The following ZNF254 variants were observed in gnomAD, a reference collection of about 807,000 sequenced individuals.
The protein encoded by ZNF254 is zinc finger protein 254.
A neutral mutation model predicts 12.4 loss-of-function variants in ZNF254; 10 were observed. The observed-to-expected ratio is 0.80, with a 90% confidence interval of 0.50 to 1.36. The LOEUF is 1.36. ZNF254 is among the 40% of genes most tolerant of loss of function. The pLI is 0.00. For synonymous variants in ZNF254, 305 were observed against 253.4 expected, an observed-to-expected ratio of 1.20 and a Z score of -1.93; for missense variants, 996 against 763.9, an observed-to-expected ratio of 1.30 and a Z score of -3.58.
At chr19:24,124,084 C>G (rs920901288) in intron 3 of ZNF254, among the ~76,000 whole-genome samples, 1 of 151,348 alleles carries the variant, frequency 6.6e-6, no homozygotes, top group African/African-American at 2.4e-5. Context: ...TTCTTTGTGT[C>G]TTTTTGATAT....
chr19:24,066,377 T>G (rs1180719059), intron 2 of ZNF254: 31 of 152,208 alleles, frequency 2.0e-4, no homozygotes, highest in Admixed American at 2.0e-3. Context: ...GCTTATGTGA[T>G]TCTTCTTTTA....
At chr19:24,095,349 GTT>G (rs1303919712) in intron 1 of ZNF254, among the ~76,000 whole-genome samples, 1 of 151,700 alleles carries the variant, frequency 6.6e-6, no homozygotes, top group Non-Finnish European at 1.5e-5. Context: ...ATTTTTTTTT[GTT>G]TGTTTTATCT....
At chr19:24,112,722 G>A (rs1973765658) in intron 3 of ZNF254, among the ~76,000 whole-genome samples, 1 of 151,978 alleles carries the variant, frequency 6.6e-6, no homozygotes, top group African/African-American at 2.4e-5. Flanking sequence ...ATTATGAATG[G>A]GAGTTCACTC....
At chr19:24,086,072 T>C (rs1488449314), upstream of ZNF254, among the ~76,000 whole-genome samples, 1 of 151,176 alleles carries the variant, frequency 6.6e-6, no homozygotes, top group Non-Finnish European at 1.5e-5. Flanking sequence ...CCAGGTTTGG[T>C]GATGCACGCC....
At chr19:24,110,879 C>A (rs1052676043) in intron 3 of ZNF254, among the ~76,000 whole-genome samples, 2 of 150,500 alleles carry the variant, frequency 1.3e-5, no homozygotes, top group Non-Finnish European at 3.0e-5. Flanking sequence ...GTTAAATATT[C>A]TTCTTTATTT....
chr19:24,091,915 T>C, intron 1 of ZNF254: 1 of 847,990 alleles, frequency 1.2e-6, no homozygotes, highest in Non-Finnish European at 1.4e-6. Context: ...AGTCTCGCTC[T>C]GTTGGCCAAG....
At chr19:24,100,915 C>T (rs1972987708) in intron 1 of ZNF254, among the ~76,000 whole-genome samples, 1 of 151,784 alleles carries the variant, frequency 6.6e-6, no homozygotes, top group Non-Finnish European at 1.5e-5. Context: ...GCAACCTCCG[C>T]CTCCCAAGTT....
intron 1 of ZNF254, among the ~76,000 whole-genome samples, chr19:24,041,519 C>T (rs1599569881): frequency 6.6e-6 from 1 of 152,366 alleles, no homozygotes; most frequent in Middle Eastern, 3.4e-3. Flanking sequence ...GCGCTACGCT[C>T]GATTTCTCGC....
chr19:24,047,385 C>T (rs1036654396), intron 2 of ZNF254, among the ~76,000 whole-genome samples: 2 of 151,090 alleles, frequency 1.3e-5, no homozygotes, highest in East Asian at 2.0e-4. Flanking sequence ...CCTTTCCTCC[C>T]GCCTGTTTTC....
At chr19:24,111,776 C>G (rs1318718063) in intron 3 of ZNF254, among the ~76,000 whole-genome samples, 1 of 150,882 alleles carries the variant, frequency 6.6e-6, no homozygotes, top group Non-Finnish European at 1.5e-5. Context: ...TGTTCATGTC[C>G]TTTGCCCACT....
At chr19:24,120,758 G>T (rs913865135) in intron 3 of ZNF254, among the ~76,000 whole-genome samples, 1 of 152,008 alleles carries the variant, frequency 6.6e-6, no homozygotes, top group Admixed American at 6.6e-5. Context: ...TGCCTCCCGG[G>T]TTCACGCCAT....
intron 2 of ZNF254, among the ~76,000 whole-genome samples, chr19:24,058,214 C>T (rs1970934766): frequency 6.6e-6 from 1 of 152,112 alleles, no homozygotes; most frequent in South Asian, 2.1e-4. Context: ...TGACACATGC[C>T]TCTGTGTAGA....
intron 1 of ZNF254, among the ~76,000 whole-genome samples, chr19:24,044,633 TTATG>T (rs1178968616): frequency 6.7e-6 from 1 of 150,134 alleles, no homozygotes; most frequent in East Asian, 1.9e-4. Flanking sequence ...ATGTGCATAT[TTATG>T]CTAGTTTTGT....
chr19:24,123,945 AAT>A (rs1414158718), intron 3 of ZNF254, among the ~76,000 whole-genome samples: 4 of 152,110 alleles, frequency 2.6e-5, no homozygotes, highest in East Asian at 1.9e-4. Context: ...ATTTATTGAA[AAT>A]ATGTCTCAAT....
At chr19:24,066,250 A>G (rs1971265811) in intron 2 of ZNF254, 1 of 152,108 alleles carries the variant, frequency 6.6e-6, no homozygotes, top group Admixed American at 6.5e-5. Context: ...CTGGGTCTTT[A>G]TTACAGGAAA....
chr19:24,105,979 C>T lies in ZNF254; in HGVS notation c.70C>T (p.Leu24=). The part of the protein sequence containing the change: ...TFRDVAIEFS[L]EEWQHLDIAQ... ...TAGGGATGTGGCCATAGAATTCTCT[C>T]TGGAGGAGTGGCAACACCTGGACAT... The change falls in exon 2 of 4, where the codon CTG becomes TTG. Residue 24 remains leucine, a synonymous_variant. Coordinates refer to ENST00000357002, the MANE Select transcript of ZNF254 (RefSeq NM_203282.4). 6.3e-7 allele frequency: 1 copy of T among 1,599,652 alleles called. No individual in the cohort carries two copies. Among genetic ancestry groups the T allele is most frequent in the Non-Finnish European group, 8.5e-7 (1 of 1,171,322 alleles).
At chr19:24,117,405 C>T (rs1169390304) in intron 3 of ZNF254, among the ~76,000 whole-genome samples, 1 of 152,146 alleles carries the variant, frequency 6.6e-6, no homozygotes, top group Admixed American at 6.5e-5. Context: ...ATGGCGGGTG[C>T]CCCTCCCCCA....
intron 1 of ZNF254, among the ~76,000 whole-genome samples, chr19:24,093,894 A>T (rs1972532154): frequency 6.6e-6 from 1 of 151,750 alleles, no homozygotes; most frequent in African/African-American, 2.4e-5. Flanking sequence ...CATTTTTAGG[A>T]TATTGATCTT....
chr19:24,095,875 ATTTC>A (rs558101143), intron 1 of ZNF254, among the ~76,000 whole-genome samples: 101 of 151,420 alleles, frequency 6.7e-4, no homozygotes, highest in Non-Finnish European at 1.1e-3. Flanking sequence ...GATTTTGGTT[ATTTC>A]TTGTCTGCTG....
Sources: allele counts gnomAD v4.1 joint callset (sites outside exome capture counted in the v4.1 genomes callset), GRCh38; gene constraint gnomAD v4.1.1; transcripts MANE v1.5; gene names NCBI Gene and HGNC (gene_info 2026-07-23, HGNC 2026-07-21).